TNRC6B: variants seen among roughly 807,000 people sequenced by gnomAD.
TNRC6B encodes the protein trinucleotide repeat-containing gene 6B protein.
TNRC6B carries 52 observed loss-of-function variants against 203.6 expected under a neutral mutation model. The observed-to-expected ratio is 0.26, with a 90% CI of 0.20 to 0.32. TNRC6B has a LOEUF of 0.32. Ranked by LOEUF, TNRC6B falls within the 10% of genes least tolerant of loss-of-function variation. The pLI is 1.00. For synonymous variants in TNRC6B, 838 were observed against 845.7 expected (o/e 0.99, Z 0.16); for missense variants, 1,923 against 2,286.2 (o/e 0.84, Z 3.24).
rs58632540 is a variant in TNRC6B, at chr22:40,123,894, CTT to C, written c.-46-1862_-46-1861del. ...CAACCTAATTTTTATAGAAAGAGAA[CTT>C]TTTTTTTTTTTTTTTGCACAACTGT... On this transcript the variant is annotated intron_variant, in intron 2 of 23. Coordinates refer to the TNRC6B transcript ENST00000301923. Among the ~76,000 whole-genome samples the C allele has an allele frequency of 2.3e-3, 311 of 135,782 alleles. 3 individuals carry two copies. The highest frequency in any genetic ancestry group is 6.6e-3 in the African/African-American group (244 of 36,850). The allele number at this position is 135,782 out of a possible 152,430, so 89.1% of individuals were successfully genotyped here. A position where few individuals can be genotyped will look rare whatever the true frequency, so the allele number is the denominator to read the frequency against.
intron 1 of TNRC6B, among the ~76,000 whole-genome samples, chr22:40,179,821 G>A (rs1291498976): frequency 6.6e-6 from 1 of 152,030 alleles, no homozygotes; most frequent in Non-Finnish European, 1.5e-5. Context: ...TGTTTCTTTG[G>A]GCCAATTGTG....
chr22:40,285,883 T>A (rs2070773400), intron 12 of TNRC6B, 113 bp downstream of exon 12: 1 of 1,356,508 alleles, frequency 7.4e-7, no homozygotes, highest in East Asian at 2.4e-5. Flanking sequence ...GCATAAAATA[T>A]GAAAAAGCCA....
chr22:40,286,321 A>G (rs2070780604), intron 12 of TNRC6B, among the ~76,000 whole-genome samples: 1 of 152,198 alleles, frequency 6.6e-6, no homozygotes, highest in Non-Finnish European at 1.5e-5. Flanking sequence ...TCTGCCAAAA[A>G]ACACAAATTA....
chr22:40,132,966 A>T (rs1441718443), intron 3 of TNRC6B, among the ~76,000 whole-genome samples: 2 of 117,720 alleles, frequency 1.7e-5, no homozygotes, highest in Admixed American at 1.9e-4. Context: ...AAAAAAAAAA[A>T]AAAATATATA....
chr22:40,176,093 AGTC>A, upstream of TNRC6B, among the ~76,000 whole-genome samples: 1 of 149,242 alleles, frequency 6.7e-6, no homozygotes, highest in African/African-American at 2.5e-5. Context: ...AGATAGGTGG[AGTC>A]GATAGTCACA....
At chr22:40,229,787 T>C (rs546659244) in intron 1 of TNRC6B, among the ~76,000 whole-genome samples, 38 of 152,344 alleles carry the variant, frequency 2.5e-4, no homozygotes, top group African/African-American at 8.9e-4. Context: ...TGTTTAACAA[T>C]AGTCCATTAT....
chr22:40,278,104 TCTC>T, intron 9 of TNRC6B, 60 bp downstream of exon 9: 1 of 1,344,542 alleles, frequency 7.4e-7, no homozygotes, highest in Non-Finnish European at 1.0e-6. Flanking sequence ...CCTTTTGGCA[TCTC>T]CTGCCCAATT....
chr22:40,290,066 G>A (rs2070849158), intron 12 of TNRC6B, among the ~76,000 whole-genome samples: 1 of 151,940 alleles, frequency 6.6e-6, no homozygotes, highest in African/African-American at 2.4e-5. Context: ...CTAGGTTATT[G>A]CAGTGACTTC....
intron 1 of TNRC6B, among the ~76,000 whole-genome samples, chr22:40,179,385 G>A (rs1246075661): frequency 6.6e-6 from 1 of 151,974 alleles, no homozygotes; most frequent in Admixed American, 6.6e-5. Context: ...CCCTGGCTCT[G>A]AGAGGCCTTG....
At chr22:40,182,502 GATTT>G (rs976344842) in intron 1 of TNRC6B, among the ~76,000 whole-genome samples, 17 of 152,284 alleles carry the variant, frequency 1.1e-4, no homozygotes, top group African/African-American at 3.8e-4. Context: ...CCAGAAAAGG[GATTT>G]ATTTAACTCA....
At chr22:40,059,884 G>A (rs1226878755) in intron 1 of TNRC6B, among the ~76,000 whole-genome samples, 1 of 145,464 alleles carries the variant, frequency 6.9e-6, no homozygotes, top group Non-Finnish European at 1.5e-5. Flanking sequence ...GTGCACTGGT[G>A]CAGTCTCGGC....
At chr22:40,200,278 C>T (rs375860292) in intron 1 of TNRC6B, among the ~76,000 whole-genome samples, 1,076 of 75,270 alleles carry the variant, frequency 0.014, 1 homozygote, top group African/African-American at 0.017. Flanking sequence ...AAGTAATATT[C>T]TTTTTTTTTT....
chr22:40,197,270 C>A (rs987641861), intron 1 of TNRC6B, among the ~76,000 whole-genome samples: 5 of 150,614 alleles, frequency 3.3e-5, no homozygotes, highest in Admixed American at 3.3e-4. Flanking sequence ...TGGCTGGCTG[C>A]TGAAAGGTGT....
intron 3 of TNRC6B, among the ~76,000 whole-genome samples, chr22:40,142,111 G>A (rs1010671749): frequency 6.6e-6 from 1 of 151,872 alleles, no homozygotes; most frequent in Non-Finnish European, 1.5e-5. Flanking sequence ...CCAGGCTGGA[G>A]TGCAGTGGTG....
At chr22:40,294,830 G>A (rs62238026) in intron 12 of TNRC6B, among the ~76,000 whole-genome samples, 17,213 of 152,240 alleles carry the variant, frequency 0.11, 1,045 homozygotes, top group South Asian at 0.15. Flanking sequence ...ATGAAGAGGA[G>A]TTGTTATCTG....
At chr22:40,201,919 A>G (rs1354043605) in intron 1 of TNRC6B, among the ~76,000 whole-genome samples, 4 of 152,182 alleles carry the variant, frequency 2.6e-5, no homozygotes, top group Admixed American at 2.6e-4. Context: ...CAGAATCCGA[A>G]AAAGTTTGAA....
At position 40,299,155 on chromosome 22, in the gene TNRC6B, A is replaced by C. The variant is rs1446125092; in HGVS notation, c.3709-1300A>C. On this transcript the variant is annotated intron_variant, in intron 12 of 22. Transcript: ENST00000454349. Reference sequence around the variant, plus strand: ...GTGAGACCCTGTCTCAAAAAAAAAAAAACAAAAAAAAAAAAAAAACAAAAC... The same window carrying C: ...GTGAGACCCTGTCTCAAAAAAAAAACAACAAAAAAAAAAAAAAAACAAAAC... Among the ~76,000 whole-genome samples the C allele has an allele frequency of 8.6e-5, 13 of 151,654 alleles. No homozygotes were observed. The South Asian group carries it at 1.0e-3, about 12-fold the overall frequency.
At chr22:40,055,926 C>G (rs144467303) in intron 1 of TNRC6B, among the ~76,000 whole-genome samples, 2 of 152,310 alleles carry the variant, frequency 1.3e-5, no homozygotes, top group East Asian at 3.9e-4. Flanking sequence ...TTACATATCT[C>G]CAAGTCTCCA....
At chr22:40,150,037 C>CA (rs35629137) in intron 3 of TNRC6B, among the ~76,000 whole-genome samples, 103,221 of 151,932 alleles carry the variant, frequency 0.68, 36,826 homozygotes, top group African/African-American at 0.9. Flanking sequence ...AAAGTAGAGT[C>CA]AAAAAGGTTT....
Sources: allele counts gnomAD v4.1 joint callset (sites outside exome capture counted in the v4.1 genomes callset), GRCh38; gene constraint gnomAD v4.1.1; transcripts MANE v1.5; gene names NCBI Gene and HGNC (gene_info 2026-07-23, HGNC 2026-07-21).